Variants in STRN4 observed in about 807,000 individuals in gnomAD.
STRN4 encodes striatin 4.
STRN4 carries 27 observed loss-of-function variants against 77.9 expected under a neutral mutation model. The ratio of observed to expected loss-of-function variants is 0.35; its 90% confidence interval spans 0.26 to 0.48. STRN4 has a LOEUF of 0.48. Ranked by LOEUF, STRN4 falls within the 20% of genes least tolerant of loss-of-function variation. STRN4 has a pLI of 0.99. For missense variants in STRN4, 798 were observed against 1,049.7 expected, an observed-to-expected ratio of 0.76 and a Z score of 3.31; for synonymous variants, 466 against 443.1, an observed-to-expected ratio of 1.05 and a Z score of -0.65.
chr19:46,727,491 T>G lies in STRN4; in HGVS notation c.1209A>C (p.Ala403=), dbSNP rs1420687106. The change falls in exon 9 of 18, where the codon GCA becomes GCC. Residue 403 remains alanine (A), a synonymous_variant. Transcript: ENST00000263280. ...GGGEVSLGDL[A]DLTVTNDNDL... is the part of the protein sequence containing the mutation. Reference sequence around the variant, plus strand: ...CGTTGTCGTTGGTGACGGTGAGATCTGCCAAGTCCCCCAGGCTCACCTCCC... The same window carrying G: ...CGTTGTCGTTGGTGACGGTGAGATCGGCCAAGTCCCCCAGGCTCACCTCCC... 2 of 1,614,014 alleles carry G rather than the reference T, an allele frequency of 1.2e-6. No individual in the cohort carries two copies. Among genetic ancestry groups the G allele is most frequent in the South Asian group, 1.1e-5 (1 of 91,082 alleles).
Position 46,746,269 on chromosome 19 carries a change from G to C in STRN4, c.162C>G (p.Pro54=). Residue 54 remains proline (P), a synonymous_variant, in exon 1 of 18, where the codon CCC becomes CCG. Coordinates refer to ENST00000263280, the MANE Select transcript of STRN4 (RefSeq NM_013403.3). Reference sequence around the variant, plus strand: ...GGGGCTCCGGGCCCGCCGTGGGCCCGGGGCTGCCTCCGCCGCCGCCTCCCT... The same window carrying C: ...GGGGCTCCGGGCCCGCCGTGGGCCCCGGGCTGCCTCCGCCGCCGCCTCCCT... ...AGKGGGGGGS[P]GPTAGPEPLS... 3.4e-6 allele frequency: 5 copies of C among 1,472,688 alleles called. No individual in the cohort carries two copies. Among genetic ancestry groups the C allele is most frequent in the Non-Finnish European group, 4.5e-6 (5 of 1,117,124 alleles). 91.2% of individuals were successfully genotyped at this position (1,472,688 alleles called of 1,614,324 possible).
intron 4 of STRN4, among the ~76,000 whole-genome samples, chr19:46,734,566 A>C (rs1424765716): frequency 6.6e-6 from 1 of 152,220 alleles, no homozygotes; most frequent in Non-Finnish European, 1.5e-5. Flanking sequence ...GACAGACATT[A>C]TATGTTGGGT....
In STRN4 at chr19:46,727,508, T is replaced by A; in HGVS notation, c.1192A>T (p.Ser398Cys). ...IMDTIGGGEV[S>C]LGDLADLTVT... Reference sequence around the variant, plus strand: ...GTGAGATCTGCCAAGTCCCCCAGGCTCACCTCCCCGCCCCCGATAGTGTCC... The same window carrying A: ...GTGAGATCTGCCAAGTCCCCCAGGCACACCTCCCCGCCCCCGATAGTGTCC... Residue 398 changes from serine (S) to cysteine (C), a missense_variant, in exon 9 of 18, where the codon AGC becomes TGC. This residue lies in a region of STRN4 where 511 missense variants were observed against 575.9 expected (regional missense o/e 0.89). Coordinates refer to ENST00000263280, the MANE Select transcript of STRN4 (RefSeq NM_013403.3). 6.2e-7 allele frequency: 1 copy of A among 1,613,820 alleles called. No individual in the cohort carries two copies. The highest frequency in any genetic ancestry group is 8.5e-7 in the Non-Finnish European group (1 of 1,179,928).
At position 46,723,872 on chromosome 19, in the gene STRN4, TAA is replaced by T. The variant is rs1450787575; in HGVS notation, c.1595-590_1595-589del. On this transcript the variant is annotated intron_variant, in intron 12 of 17. Transcript: ENST00000263280. The surrounding 1 kb of genome is among the most constrained non-coding windows in gnomAD (Gnocchi z 5.5). ...ACCTTGTGCAGGTGAGCCTGTTCTC[TAA>T]AGTCTGTCCTCCCCTTGAGAGGAGA... Among the ~76,000 whole-genome samples, 3 of 152,160 alleles carry T rather than the reference TAA, an allele frequency of 2.0e-5. No individual in the cohort carries two copies. Among genetic ancestry groups the T allele is most frequent in the African/African-American group, 7.2e-5 (3 of 41,436 alleles).
intron 1 of STRN4, among the ~76,000 whole-genome samples, chr19:46,740,703 C>G (rs2054458040): frequency 6.6e-6 from 1 of 152,138 alleles, no homozygotes; most frequent in African/African-American, 2.4e-5. Flanking sequence ...CCACACACAT[C>G]AGGTGCCCCA....
intron 12 of STRN4, 39 bp downstream of exon 12, chr19:46,724,768 C>A (rs2054067978): frequency 6.2e-7 from 1 of 1,613,476 alleles, no homozygotes; most frequent in Admixed American, 1.7e-5. Flanking sequence ...GGCCAGGCCC[C>A]AGTGGATGTG....
chr19:46,720,860 G>A, intron 16 of STRN4, 89 bp from the exon 17 acceptor site: 1 of 1,408,950 alleles, frequency 7.1e-7, no homozygotes, highest in African/African-American at 1.5e-5. Context: ...TTGTCCAAAG[G>A]CCTCAGGGGA....
chr19:46,746,020 G>A (rs944763479), intron 1 of STRN4, 129 bp downstream of exon 1: 56 of 1,174,196 alleles, frequency 4.8e-5, no homozygotes, highest in Middle Eastern at 6.5e-4. Flanking sequence ...GGACCGTCGC[G>A]GTCCCCTCCC....
rs1239810285 is a variant in STRN4, at chr19:46,730,804, C to G, written c.807G>C (p.Gln269His). 1 of 1,613,018 alleles carries G rather than the reference C, an allele frequency of 6.2e-7. No homozygotes were observed. The highest frequency in any genetic ancestry group is 1.1e-5 in the South Asian group (1 of 91,088). The part of the protein sequence containing the change: ...GSVLGQIPFL[Q>H]NCEDEDSDED... ...CGTCGCTGTCTTCGTCCTCGCAGTTCTGCAGGAAGGGGATCTGCCCCAGCA... is the reference window on the plus strand; with the variant it reads ...CGTCGCTGTCTTCGTCCTCGCAGTTGTGCAGGAAGGGGATCTGCCCCAGCA... The change falls in exon 6 of 18, where the codon CAG (glutamine) becomes CAC (histidine). Residue 269 changes from glutamine (Q) to histidine (H), a missense_variant. By Grantham distance (24) the Gln-to-His change is conservative (BLOSUM62 0). This residue lies in a region of STRN4 where 511 missense variants were observed against 575.9 expected (regional missense o/e 0.89). Transcript: ENST00000263280.
At chr19:46,724,704 A>G in intron 12 of STRN4, 103 bp downstream of exon 12, 3 of 1,543,338 alleles carry the variant, frequency 1.9e-6, no homozygotes, top group Non-Finnish European at 2.7e-6. Context: ...CGCACTCCTG[A>G]GGCCTGCAGT....
In STRN4 at chr19:46,720,758, G is replaced by A. The variant is rs1184965544; in HGVS notation, c.2106C>T (p.Ser702=). 2 of 1,597,858 alleles carry A rather than the reference G, an allele frequency of 1.3e-6. No individual in the cohort carries two copies. Among genetic ancestry groups the A allele is most frequent in the Admixed American group, 1.7e-5 (1 of 58,628 alleles). ...TGTTGTCCAGGCTCCAGAGACGCAGGGAGCAGTCATGGCCTGCACATGTGT... is the reference window on the plus strand; with the variant it reads ...TGTTGTCCAGGCTCCAGAGACGCAGAGAGCAGTCATGGCCTGCACATGTGT... ...AFLMSGSHDC[S]LRLWSLDNKT... Residue 702 remains serine (S), a synonymous_variant, in exon 17 of 18, where the codon TCC becomes TCT. Coordinates refer to ENST00000263280, the MANE Select transcript of STRN4 (RefSeq NM_013403.3).
intron 9 of STRN4, among the ~76,000 whole-genome samples, chr19:46,726,629 C>T (rs1029321898): frequency 1.4e-4 from 22 of 152,316 alleles, no homozygotes; most frequent in Admixed American, 2.0e-4. Flanking sequence ...CTGTCCACCA[C>T]GCTGCATGCG....
Position 46,725,399 on chromosome 19 carries a change from C to A in STRN4, c.1425-20G>T, listed in dbSNP as rs767864136. The A allele has an allele frequency of 3.7e-6, 6 of 1,614,092 alleles. No homozygotes were observed. Among genetic ancestry groups the A allele is most frequent in the African/African-American group, 1.3e-5 (1 of 75,038 alleles). On this transcript the variant is annotated intron_variant, in intron 10 of 17. Transcript: ENST00000263280. ...GCATTCCTGTGGGATGACAGAGGAG[C>A]CTGATGTCACTGAGACCCTGTCACC...
chr19:46,731,585 G>A (rs907874730), intron 5 of STRN4: 13 of 152,606 alleles, frequency 8.5e-5, no homozygotes, highest in African/African-American at 2.2e-4. Context: ...AGTTACCAAC[G>A]GGTGCAGAGG....
At position 46,733,134 on chromosome 19, in the gene STRN4, C is replaced by T. The variant is rs1212659655; in HGVS notation, c.642G>A (p.Glu214=). ...GAGCCCTGGGGGCCCCTTCACTCGGCTCCACTGCCCCGTTGAGCTCCAGCG... is the reference window on the plus strand; with the variant it reads ...GAGCCCTGGGGGCCCCTTCACTCGGTTCCACTGCCCCGTTGAGCTCCAGCG... ...GRSLELNGAV[E]PSEGAPRAPP... Residue 214 remains glutamate, a synonymous_variant, in exon 5 of 18, where the codon GAG becomes GAA. Coordinates refer to ENST00000263280, the MANE Select transcript of STRN4 (RefSeq NM_013403.3). The surrounding 1 kb of genome is among the most constrained non-coding windows in gnomAD (Gnocchi z 4.3). The T allele has an allele frequency of 8.7e-6, 14 of 1,612,560 alleles. No individual in the cohort carries two copies. The highest frequency in any genetic ancestry group is 1.1e-5 in the Non-Finnish European group (13 of 1,179,984).
At chr19:46,725,698 C>T (rs1449351361) in intron 9 of STRN4, 50 bp from the exon 10 acceptor site, 30 of 1,588,300 alleles carry the variant, frequency 1.9e-5, no homozygotes, top group Non-Finnish European at 2.3e-5. Flanking sequence ...TCCCAGCAGT[C>T]ATGCAGACAC....
chr19:46,723,405 T>C lies in STRN4; in HGVS notation c.1595-121A>G. On this transcript the variant is annotated intron_variant, in intron 12 of 17. Coordinates refer to ENST00000263280, the MANE Select transcript of STRN4 (RefSeq NM_013403.3). The surrounding 1 kb of genome is among the most constrained non-coding windows in gnomAD (Gnocchi z 5.5). ...GGGCTCCAATCACCCACGCACCCAC[T>C]TCACACCTGGTGCCCCTCGGAACTG... 2 of 1,261,000 alleles carry C rather than the reference T, an allele frequency of 1.6e-6. No individual in the cohort carries two copies. Among genetic ancestry groups the C allele is most frequent in the Non-Finnish European group, 1.1e-6 (1 of 935,684 alleles). 78.1% of individuals were successfully genotyped at this position (1,261,000 alleles called of 1,614,324 possible).
At chr19:46,724,233 G>C (rs1017911325) in intron 12 of STRN4, among the ~76,000 whole-genome samples, 2 of 121,788 alleles carry the variant, frequency 1.6e-5, no homozygotes, top group Non-Finnish European at 3.2e-5. Flanking sequence ...GGGTGACAGA[G>C]TGAGACTCTT....
At chr19:46,730,465 C>T (rs948390109) in intron 6 of STRN4, among the ~76,000 whole-genome samples, 5 of 152,166 alleles carry the variant, frequency 3.3e-5, no homozygotes, top group Admixed American at 1.3e-4. Context: ...ATGGGAAGCC[C>T]GGGGCTCAGG....
Sources: gnomAD v4.1 joint callset for allele counts (sites outside exome capture counted in the v4.1 genomes callset) on GRCh38, gnomAD v4.1.1 for gene constraint, gnomAD v4.1.1 regional missense constraint, Gnocchi (gnomAD v3.1) non-coding constraint, MANE v1.5 for transcripts, NCBI Gene and HGNC (gene_info 2026-07-23, HGNC 2026-07-21) for gene names.